The following PCDHA2 variants were observed in gnomAD, a reference collection of about 807,000 sequenced individuals.
PCDHA2 encodes the protein protocadherin alpha 2.
A neutral mutation model predicts 66.0 loss-of-function variants in PCDHA2; 58 were observed. That is an observed-to-expected ratio of 0.88 (90% confidence interval 0.71 to 1.09). The LOEUF (loss-of-function observed/expected upper bound fraction) is 1.09. Ranked by LOEUF, PCDHA2 falls within the 50% of genes least tolerant of loss-of-function variation. The probability of loss-of-function intolerance (pLI) is 0.00; values close to 1 mark genes in which losing one functional copy is unlikely to be tolerated. For synonymous variants in PCDHA2, 634 were observed against 554.0 expected (o/e 1.14, Z -2.03); for missense variants, 1,267 against 1,242.3 (o/e 1.02, Z -0.30).
At chr5:140,815,485 A>C (rs1296934690) in intron 1 of PCDHA2, 1 of 151,992 alleles carries the variant, frequency 6.6e-6, no homozygotes, top group Admixed American at 6.6e-5. Flanking sequence ...TCCCCTACCC[A>C]AATTTTATGT....
In PCDHA2 at chr5:140,821,687, T is replaced by TA. The variant is rs1260014806; in HGVS notation, c.2388+24341dup. 1.9e-5 allele frequency: 26 copies of TA among 1,378,320 alleles called. No homozygotes were observed. In the Admixed American group the frequency reaches 5.5e-4, roughly 29 times the overall value. 85.4% of individuals were successfully genotyped at this position (1,378,320 alleles called of 1,614,324 possible). A position where few individuals can be genotyped will look rare whatever the true frequency, so the allele number is the denominator to read the frequency against. ...CAAGAAGCTCAGAAAGGCGATAATA[T>TA]AAAAAATATATAGTTAATTGGGAAT... On this transcript the variant is annotated intron_variant, in intron 1 of 3. Coordinates refer to ENST00000526136, the MANE Select transcript of PCDHA2 (RefSeq NM_018905.3).
rs2150462879 is a variant in PCDHA2 at position 140,850,003 on chromosome 5, C to T, written c.2388+52651C>T. On this transcript the variant is annotated intron_variant, in intron 1 of 3. Coordinates refer to ENST00000526136, the MANE Select transcript of PCDHA2 (RefSeq NM_018905.3). ...GTGGAGCGGCGGTTGGGCGAGCGCTCGCTGTCGAGCTACGTGTCAGTGCAC... is the reference window on the plus strand; with the variant it reads ...GTGGAGCGGCGGTTGGGCGAGCGCTTGCTGTCGAGCTACGTGTCAGTGCAC... 1.5e-5 allele frequency: 24 copies of T among 1,596,910 alleles called. No homozygotes were observed. The East Asian group carries it at 5.1e-4, about 34-fold the overall frequency.
intron 1 of PCDHA2, among the ~76,000 whole-genome samples, chr5:140,872,410 T>A (rs2053645814): frequency 6.6e-6 from 1 of 152,110 alleles, no homozygotes; most frequent in South Asian, 2.1e-4. Flanking sequence ...GAGAATTGCT[T>A]GAGCCCAAGA....
chr5:140,884,409 C>T, intron 1 of PCDHA2: 4 of 1,613,992 alleles, frequency 2.5e-6, no homozygotes, highest in Non-Finnish European at 3.4e-6. Context: ...TTGGTGCTCA[C>T]GTTGCTGCTG....
At chr5:140,806,699 G>T (rs1763769957) in intron 1 of PCDHA2, among the ~76,000 whole-genome samples, 1 of 152,170 alleles carries the variant, frequency 6.6e-6, no homozygotes, top group African/African-American at 2.4e-5. Context: ...ACAGGAATCT[G>T]TAATGAATTT....
intron 1 of PCDHA2, chr5:140,823,508 A>T: frequency 6.2e-7 from 1 of 1,613,314 alleles, no homozygotes. Context: ...GCAGTGAGCG[A>T]GCTGGTGCCG....
Position 140,824,014 on chromosome 5 carries a change from TG to T in PCDHA2, c.2388+26664del, listed in dbSNP as rs2150131529. On this transcript the variant is annotated intron_variant, in intron 1 of 3. Transcript: ENST00000526136. The stretch of plus-strand genomic sequence containing the variant: ...GTTGTGCTCCAGCGCGGTGGGGAGC[TG>T]GTCGTACTCGCAGCAGAGGAGACAG... The T allele has an allele frequency of 3.7e-6, 6 of 1,614,050 alleles. No homozygotes were observed. The South Asian group carries it at 5.5e-5, about 15-fold the overall frequency.
rs1238256859 is a variant in PCDHA2, at chr5:141,010,204, C to T, written c.*267C>T. 6.4e-7 allele frequency: 1 copy of T among 1,551,970 alleles called. No homozygotes were observed. On this transcript the variant is annotated 3_prime_UTR_variant, in exon 4 of 4. Transcript: ENST00000526136. The stretch of plus-strand genomic sequence containing the variant: ...GACCCAAGTTTCCTTTCTCCTCCGC[C>T]GCAAAGGAGAGGCTTCCCAGCCCCG...
intron 1 of PCDHA2, chr5:140,861,740 T>C (rs1443034121): frequency 1.3e-5 from 2 of 159,082 alleles, no homozygotes; most frequent in Non-Finnish European, 2.7e-5. Flanking sequence ...TTACATACTG[T>C]GCCGCAATGA....
Position 140,823,912 on chromosome 5 carries a change from A to T in PCDHA2, c.2388+26560A>T. On this transcript the variant is annotated intron_variant, in intron 1 of 3. Coordinates refer to ENST00000526136, the MANE Select transcript of PCDHA2 (RefSeq NM_018905.3). ...TGCGGTGTCCAGCCTGCTGGTGCTC[A>T]CGCTGCTGCTGTACACCGCGCTGCG... is the stretch of plus-strand genomic sequence containing the variant. The T allele has an allele frequency of 6.2e-7, 1 of 1,613,952 alleles. No homozygotes were observed. Among genetic ancestry groups the T allele is most frequent in the Non-Finnish European group, 8.5e-7 (1 of 1,179,930 alleles).
chr5:140,997,971 G>A (rs2097791982), intron 3 of PCDHA2, among the ~76,000 whole-genome samples: 3 of 152,086 alleles, frequency 2.0e-5, no homozygotes, highest in Admixed American at 2.0e-4. Context: ...CCTGTGGTTG[G>A]ACTGCACTTG....
chr5:141,000,389 CTCTCTCTATATATA>C (rs1429861640), intron 3 of PCDHA2, among the ~76,000 whole-genome samples: 15 of 62,586 alleles, frequency 2.4e-4, no homozygotes, highest in African/African-American at 9.8e-4. Flanking sequence ...CTCTCTCTCT[CTCTCTCTATATATA>C]TATATATATA....
At chr5:140,875,304 A>G in intron 1 of PCDHA2, 6 of 1,416,398 alleles carry the variant, frequency 4.2e-6, no homozygotes, top group Non-Finnish European at 5.5e-6. Context: ...TTTTCTCCGC[A>G]CCCACATTCC....
At chr5:140,821,246 T>C (rs1330711106) in intron 1 of PCDHA2, among the ~76,000 whole-genome samples, 9 of 152,218 alleles carry the variant, frequency 5.9e-5, no homozygotes, top group Non-Finnish European at 1.3e-4. Context: ...GTCAAAACTT[T>C]AACTCTTAAA....
rs1777656080 is a variant in PCDHA2, at chr5:140,842,032, T to C, written c.2388+44680T>C. ...TGGTCACAGTGCTGGATGTGAATGA[T>C]AATGCTCCCACTTTCGAACAGTCTG... On this transcript the variant is annotated intron_variant, in intron 1 of 3. Transcript: ENST00000526136. The C allele has an allele frequency of 1.9e-6, 3 of 1,613,844 alleles. 1 individual carries two copies. The highest frequency in any genetic ancestry group is 1.7e-5 in the Admixed American group (1 of 60,002).
chr5:140,809,417 G>C (rs1168580497), intron 1 of PCDHA2: 4 of 1,614,124 alleles, frequency 2.5e-6, no homozygotes, highest in Non-Finnish European at 3.4e-6. Context: ...GTGCTCCAGT[G>C]CGGTGGGGAG....
chr5:140,806,745 G>A (rs1763776480), intron 1 of PCDHA2, among the ~76,000 whole-genome samples: 5 of 152,188 alleles, frequency 3.3e-5, no homozygotes, highest in African/African-American at 1.2e-4. Flanking sequence ...TGTTTACAAA[G>A]TGTATAGTTA....
At position 140,947,211 on chromosome 5, in the gene PCDHA2, T is replaced by A. The variant is rs562676640; in HGVS notation, c.2389-31738T>A. Among the ~76,000 whole-genome samples, 51 of 151,298 alleles carry A rather than the reference T, an allele frequency of 3.4e-4. 1 individual carries two copies. In the South Asian group the frequency reaches 0.011, roughly 32 times the overall value. On this transcript the variant is annotated intron_variant, in intron 1 of 3. Transcript: ENST00000526136. ...ACTACACAGCCTTAAAAAAAGAAAA[T>A]CCTGTCATTTATGACAGGAAAAAAA...
rs1214693088 is a variant in PCDHA2, at chr5:140,904,196, C to T, written c.2389-74753C>T. Among the ~76,000 whole-genome samples the T allele has an allele frequency of 1.1e-4, 17 of 152,034 alleles. No homozygotes were observed. In the East Asian group the frequency reaches 3.3e-3, roughly 29 times the overall value. On this transcript the variant is annotated intron_variant, in intron 1 of 3. Transcript: ENST00000526136. ...TTCCTCACCCCCTTCCCACCCTTTC[C>T]CCCTAAGTCCCCAAAGTCCATTGTA... is the stretch of plus-strand genomic sequence containing the variant.
Sources: allele counts gnomAD v4.1 joint callset (sites outside exome capture counted in the v4.1 genomes callset), GRCh38; gene constraint gnomAD v4.1.1; transcripts MANE v1.5; gene names NCBI Gene and HGNC (gene_info 2026-07-23, HGNC 2026-07-21).